CSMD1: variants seen among roughly 807,000 people sequenced by gnomAD.
CSMD1 encodes the protein CUB and sushi domain-containing protein 1.
CSMD1 carries 213 observed loss-of-function variants against 417.5 expected under a neutral mutation model. The ratio of observed to expected loss-of-function variants is 0.51; its 90% CI spans 0.46 to 0.57. The LOEUF is 0.57. Ranked by LOEUF, CSMD1 falls within the 20% of genes least tolerant of loss-of-function variation. The probability of loss-of-function intolerance (pLI) is 0.00; values close to 1 mark genes in which losing one functional copy is unlikely to be tolerated. For missense variants in CSMD1, 6,923 were observed against 4,529.7 expected, an observed-to-expected ratio of 1.53 and a Z score of -15.17; for synonymous variants, 2,862 against 1,736.8, an observed-to-expected ratio of 1.65 and a Z score of -16.11.
intron 1 of CSMD1, among the ~76,000 whole-genome samples, chr8:4,874,792 T>G (rs559518486): frequency 3.3e-5 from 5 of 150,856 alleles, no homozygotes; most frequent in Non-Finnish European, 5.9e-5. Flanking sequence ...GATAGACTTT[T>G]TGTGTGTGTA....
rs564567471 is a variant in CSMD1, at chr8:4,014,359, T to C, written c.611-16249A>G. Among the ~76,000 whole-genome samples, 23 of 152,310 alleles carry C rather than the reference T, an allele frequency of 1.5e-4. No homozygotes were observed. The South Asian group carries it at 3.1e-3, about 21-fold the overall frequency. ...TAGAGAGAAAATAATCTGTAAAATA[T>C]TGAGAATCAAATTATGTCAATGCAC... is the stretch of plus-strand genomic sequence containing the variant. On this transcript the variant is annotated intron_variant, in intron 4 of 69. Transcript: ENST00000635120.
intron 3 of CSMD1, among the ~76,000 whole-genome samples, chr8:4,117,838 C>G (rs901591467): frequency 2.0e-5 from 3 of 151,706 alleles, no homozygotes; most frequent in African/African-American, 7.3e-5. Flanking sequence ...ATCTCACTTT[C>G]CAAACAAAAG....
intron 3 of CSMD1, among the ~76,000 whole-genome samples, chr8:4,237,841 T>G (rs943405828): frequency 1.3e-5 from 2 of 152,194 alleles, no homozygotes; most frequent in African/African-American, 4.8e-5. Context: ...AGGGAAGCTT[T>G]ATATTGTATT....
chr8:4,968,442 T>A (rs937932386), intron 1 of CSMD1, among the ~76,000 whole-genome samples: 1 of 152,020 alleles, frequency 6.6e-6, no homozygotes, highest in African/African-American at 2.4e-5. Flanking sequence ...ACTATTGAAA[T>A]AGAGCCATTT....
At chr8:4,266,776 G>A (rs1456879762) in intron 3 of CSMD1, among the ~76,000 whole-genome samples, 2 of 104,516 alleles carry the variant, frequency 1.9e-5, no homozygotes, top group Admixed American at 1.8e-4. Flanking sequence ...CAAAATAGTA[G>A]CACAGAGAAT....
intron 1 of CSMD1, among the ~76,000 whole-genome samples, chr8:4,868,162 T>A (rs1269058094): frequency 1.3e-5 from 2 of 152,132 alleles, no homozygotes; most frequent in African/African-American, 4.8e-5. Context: ...GATGGGAGAA[T>A]TAAATAAATT....
At chr8:3,905,730 T>A (rs1808063886) in intron 5 of CSMD1, among the ~76,000 whole-genome samples, 1 of 152,220 alleles carries the variant, frequency 6.6e-6, no homozygotes, top group African/African-American at 2.4e-5. Flanking sequence ...TCCACGCAGA[T>A]AATAGACTCG....
At chr8:3,083,224 T>G (rs1158194096) in intron 49 of CSMD1, among the ~76,000 whole-genome samples, 2 of 152,092 alleles carry the variant, frequency 1.3e-5, no homozygotes, top group African/African-American at 2.4e-5. Context: ...AGACAGAACA[T>G]GTCTTCAATT....
chr8:3,218,816 G>A (rs1241877493), intron 29 of CSMD1, among the ~76,000 whole-genome samples: 4 of 151,930 alleles, frequency 2.6e-5, no homozygotes, highest in Non-Finnish European at 4.4e-5. Flanking sequence ...AGGTTGCAGC[G>A]AGCTGACATC....
At chr8:4,485,004 AAAAAAAAAAAAAAAAAG>A in intron 2 of CSMD1, among the ~76,000 whole-genome samples, 1 of 147,016 alleles carries the variant, frequency 6.8e-6, no homozygotes, top group Non-Finnish European at 1.5e-5. Flanking sequence ...AAAAAAAAAA[AAAAAAAAAAAAAAAAAG>A]AAAGAGTCAC....
At chr8:4,558,008 C>G (rs542047006) in intron 2 of CSMD1, among the ~76,000 whole-genome samples, 1 of 152,178 alleles carries the variant, frequency 6.6e-6, no homozygotes, top group East Asian at 1.9e-4. Flanking sequence ...CTTTGACTGA[C>G]CCAAAATACA....
chr8:3,671,905 G>A (rs543078706), intron 7 of CSMD1, among the ~76,000 whole-genome samples: 34 of 152,184 alleles, frequency 2.2e-4, no homozygotes, highest in African/African-American at 7.7e-4. Context: ...CATTTCCTCT[G>A]TCCTGTGTCG....
intron 12 of CSMD1, among the ~76,000 whole-genome samples, chr8:3,440,987 A>T (rs1252683299): frequency 6.6e-6 from 1 of 152,206 alleles, no homozygotes; most frequent in East Asian, 1.9e-4. Context: ...GTAGTTAAAC[A>T]TCCTGAGATT....
intron 26 of CSMD1, among the ~76,000 whole-genome samples, chr8:3,234,887 A>G (rs1799060770): frequency 6.6e-6 from 1 of 152,240 alleles, no homozygotes. Flanking sequence ...TGATATTCCT[A>G]TAGAATCTAT....
chr8:4,521,179 A>T (rs1328567460), intron 2 of CSMD1, among the ~76,000 whole-genome samples: 2 of 152,172 alleles, frequency 1.3e-5, no homozygotes, highest in East Asian at 3.8e-4. Context: ...AAATAAATAT[A>T]TACATTAAAA....
chr8:2,974,359 T>A, intron 56 of CSMD1, 92 bp downstream of exon 56: 12 of 1,239,316 alleles, frequency 9.7e-6, no homozygotes, highest in Non-Finnish European at 1.3e-5. Context: ...ATAGGGCTTT[T>A]CAAATAACTG....
intron 12 of CSMD1, among the ~76,000 whole-genome samples, chr8:3,421,083 A>T (rs979528762): frequency 5.3e-5 from 8 of 152,196 alleles, no homozygotes; most frequent in Admixed American, 5.2e-4. Context: ...ACGAAGCTTC[A>T]TTTGCTGATT....
intron 4 of CSMD1, among the ~76,000 whole-genome samples, chr8:4,024,637 T>C (rs1165051142): frequency 6.6e-6 from 1 of 152,192 alleles, no homozygotes; most frequent in Non-Finnish European, 1.5e-5. Context: ...AGCAGGATCT[T>C]GCATTTATGG....
intron 1 of CSMD1, among the ~76,000 whole-genome samples, chr8:4,905,724 G>GTGGGTGGATCA (rs1805210662): frequency 6.7e-6 from 1 of 150,214 alleles, no homozygotes; most frequent in Admixed American, 6.7e-5. Context: ...GGAGGCTGAG[G>GTGGGTGGATCA]CAGGAGAATG....
Sources: gnomAD v4.1 joint callset for allele counts (sites outside exome capture counted in the v4.1 genomes callset) on GRCh38, gnomAD v4.1.1 for gene constraint, MANE v1.5 for transcripts, NCBI Gene and HGNC (gene_info 2026-07-23, HGNC 2026-07-21) for gene names.